NLGN4X: variants seen among roughly 807,000 people sequenced by gnomAD.
NLGN4X encodes the protein neuroligin-4, X-linked.
NLGN4X carries 3 observed loss-of-function variants against 40.3 expected under a neutral mutation model. The ratio of observed to expected loss-of-function variants is 0.07; its 90% CI spans 0.03 to 0.19. NLGN4X has a LOEUF of 0.19. Among genes scored for constraint, NLGN4X ranks in the 10% least tolerant of loss-of-function variants. The pLI, the probability that NLGN4X is intolerant of heterozygous loss-of-function variation, is 1.00. For synonymous variants in NLGN4X, 270 were observed against 306.8 expected (o/e 0.88, Z 1.25); for missense variants, 382 against 708.3 (o/e 0.54, Z 5.23).
chrX:6,112,173 A>G (rs2039163244), intron 2 of NLGN4X, among the ~76,000 whole-genome samples: 1 of 111,714 alleles, frequency 9.0e-6, no homozygotes, highest in Non-Finnish European at 1.9e-5. Context: ...GGGGACAAGG[A>G]CTAAAAAACT....
chrX:6,167,562 T>G (rs1210067996), intron 1 of NLGN4X, among the ~76,000 whole-genome samples: 1 of 112,212 alleles, frequency 8.9e-6, no homozygotes, highest in East Asian at 2.8e-4. Flanking sequence ...GAAGGGAACT[T>G]ATCTGAGGAA....
At chrX:5,965,021 T>C (rs886211792) in intron 3 of NLGN4X, among the ~76,000 whole-genome samples, 7 of 111,855 alleles carry the variant, frequency 6.3e-5, no homozygotes, top group Admixed American at 9.6e-5. Context: ...GGAACAGGCA[T>C]AAAGAAATGA....
At chrX:6,049,763 G>C (rs945063635) in intron 2 of NLGN4X, among the ~76,000 whole-genome samples, 3 of 104,811 alleles carry the variant, frequency 2.9e-5, no homozygotes, top group African/African-American at 1.1e-4. Context: ...ATACCTTAAA[G>C]AGCTACTCAA....
intron 3 of NLGN4X, among the ~76,000 whole-genome samples, chrX:6,008,913 G>C (rs769705225): frequency 4.5e-5 from 5 of 111,827 alleles, no homozygotes; most frequent in African/African-American, 6.5e-5. Flanking sequence ...ACAACTCTAC[G>C]TACCTCATAT....
At position 5,917,893 on chromosome X, in the gene NLGN4X, A is replaced by G. The variant is rs779023401; in HGVS notation, c.626-8654T>C. Among the ~76,000 whole-genome samples the G allele has an allele frequency of 1.9e-3, 208 of 112,177 alleles. 1 individual carries two copies. Among genetic ancestry groups the G allele is most frequent in the African/African-American group, 5.9e-3 (181 of 30,908 alleles). On this transcript the variant is annotated intron_variant, in intron 3 of 5. Coordinates refer to ENST00000381095, the MANE Select transcript of NLGN4X (RefSeq NM_181332.3). ...TGGTATTTTAAAGAATGAATTAGATACCATTTATTTGTGAATAATTTTGCA... is the reference window on the plus strand; with the variant it reads ...TGGTATTTTAAAGAATGAATTAGATGCCATTTATTTGTGAATAATTTTGCA...
chrX:6,113,310 A>G (rs1405123656), intron 2 of NLGN4X, among the ~76,000 whole-genome samples: 1 of 111,612 alleles, frequency 9.0e-6, no homozygotes, highest in Admixed American at 9.6e-5. Context: ...AGGGTGGGGT[A>G]TAAGGAAAAC....
intron 1 of NLGN4X, among the ~76,000 whole-genome samples, chrX:6,157,525 G>T (rs2040295167): frequency 9.0e-6 from 1 of 111,342 alleles, no homozygotes; most frequent in Non-Finnish European, 1.9e-5. Flanking sequence ...TCAGGCTGCT[G>T]TAACAAAATA....
chrX:5,985,876 G>A (rs2035518289), intron 3 of NLGN4X, among the ~76,000 whole-genome samples: 1 of 111,595 alleles, frequency 9.0e-6, no homozygotes, highest in Non-Finnish European at 1.9e-5. Context: ...ATTAAGGCAT[G>A]AAGCACCACA....
intron 2 of NLGN4X, among the ~76,000 whole-genome samples, chrX:6,116,288 G>A (rs866970136): frequency 2.4e-4 from 1 of 4,135 alleles, no homozygotes; most frequent in Non-Finnish European, 3.7e-4. Context: ...CCGAGACTCT[G>A]TCAAAAAAAA....
At chrX:6,195,017 G>A (rs1205568408) in intron 1 of NLGN4X, among the ~76,000 whole-genome samples, 1 of 110,319 alleles carries the variant, frequency 9.1e-6, no homozygotes, top group Non-Finnish European at 1.9e-5. Context: ...TTTAAGTTCC[G>A]GGATACATGT....
chrX:6,156,529 C>A (rs1042315610), intron 1 of NLGN4X, among the ~76,000 whole-genome samples: 7 of 109,505 alleles, frequency 6.4e-5, no homozygotes, highest in Non-Finnish European at 1.1e-4. Flanking sequence ...AACAAACAAA[C>A]AAAAAAAAAC....
intron 1 of NLGN4X, among the ~76,000 whole-genome samples, chrX:6,180,820 T>TTA (rs1555998838): frequency 6.3e-5 from 7 of 110,895 alleles, no homozygotes; most frequent in African/African-American, 2.3e-4. Context: ...TTTTTTTTTT[T>TTA]ATGTTAACTT....
intron 5 of NLGN4X, among the ~76,000 whole-genome samples, chrX:5,901,952 G>T (rs929399632): frequency 1.9e-5 from 2 of 107,263 alleles, no homozygotes; most frequent in African/African-American, 6.7e-5. Context: ...AATATATATA[G>T]GAATATATAT....
intron 3 of NLGN4X, among the ~76,000 whole-genome samples, chrX:5,932,861 A>G (rs2033599554): frequency 9.0e-6 from 1 of 111,705 alleles, no homozygotes; most frequent in Admixed American, 9.6e-5. Flanking sequence ...GAAACAAACA[A>G]AAAGAACAAA....
At chrX:6,135,650 G>T (rs1159382770) in intron 2 of NLGN4X, among the ~76,000 whole-genome samples, 1 of 111,280 alleles carries the variant, frequency 9.0e-6, no homozygotes, top group Admixed American at 9.6e-5. Context: ...CTTTCCACTG[G>T]ATATAGACAT....
rs187199740 is a variant in NLGN4X, at chrX:6,218,576, A to G, written c.-306+9965T>C. Among the ~76,000 whole-genome samples, 14 of 111,484 alleles carry G rather than the reference A, an allele frequency of 1.3e-4. No individual in the cohort carries two copies. In the East Asian group the frequency reaches 3.7e-3, roughly 29 times the overall value. ...AAAACCAGAGGTGCAAAATAACATT[A>G]GTGTATGGTTAATATAGGAAAGATA... On this transcript the variant is annotated intron_variant, in intron 1 of 5. Transcript: ENST00000381095.
chrX:6,210,611 G>C (rs1924515610), intron 1 of NLGN4X, among the ~76,000 whole-genome samples: 1 of 112,026 alleles, frequency 8.9e-6, no homozygotes, highest in Non-Finnish European at 1.9e-5. Flanking sequence ...TGCTCCTAAG[G>C]AGTTAGTAAC....
chrX:6,146,121 G>GAAA (rs779983813), intron 2 of NLGN4X, among the ~76,000 whole-genome samples: 2 of 71,266 alleles, frequency 2.8e-5, no homozygotes, highest in Non-Finnish European at 2.8e-5. Flanking sequence ...TTTCTAAAAG[G>GAAA]AAAAAAAAAA....
rs962106341 is a variant in NLGN4X, at chrX:6,218,661, G to A, written c.-306+9880C>T. ...TACTCAACAAGTTTTGAATAAATTC[G>A]TGAAATAAAGAAAAAAACCAACAAG... is the stretch of plus-strand genomic sequence containing the variant. On this transcript the variant is annotated intron_variant, in intron 1 of 5. Coordinates refer to ENST00000381095, the MANE Select transcript of NLGN4X (RefSeq NM_181332.3). Among the ~76,000 whole-genome samples the A allele has an allele frequency of 1.3e-4, 15 of 111,783 alleles. 1 individual carries two copies. The highest frequency in any genetic ancestry group is 4.5e-4 in the African/African-American group (14 of 30,813).
Sources: allele counts gnomAD v4.1 joint callset (sites outside exome capture counted in the v4.1 genomes callset), GRCh38; gene constraint gnomAD v4.1.1; transcripts MANE v1.5; gene names NCBI Gene and HGNC (gene_info 2026-07-23, HGNC 2026-07-21).